The following STAU1 variants were observed in gnomAD, a reference collection of about 807,000 sequenced individuals.
The protein encoded by STAU1 is double-stranded RNA-binding protein Staufen homolog 1.
STAU1 carries 13 observed loss-of-function variants against 62.9 expected under a neutral mutation model. That is an observed-to-expected ratio of 0.21 (90% CI 0.13 to 0.33). The LOEUF is 0.33. Ranked by LOEUF, STAU1 falls within the 10% of genes least tolerant of loss-of-function variation. STAU1 has a pLI of 1.00. For missense variants in STAU1, 571 were observed against 712.1 expected (o/e 0.80, Z 2.25); for synonymous variants, 269 against 265.1 (o/e 1.01, Z -0.14).
At chr20:49,122,329 CTT>C (rs1600615296) in intron 8 of STAU1, among the ~76,000 whole-genome samples, 1 of 152,164 alleles carries the variant, frequency 6.6e-6, no homozygotes, top group Non-Finnish European at 1.5e-5. Flanking sequence ...GAACAGATCT[CTT>C]GATACTACTT....
intron 3 of STAU1, among the ~76,000 whole-genome samples, chr20:49,162,559 G>A (rs1291325301): frequency 1.3e-5 from 2 of 152,016 alleles, no homozygotes; most frequent in African/African-American, 2.4e-5. Flanking sequence ...CGGATCACGA[G>A]GTCAGAAGAT....
intron 5 of STAU1, 28 bp from the exon 6 acceptor site, chr20:49,135,959 C>T: frequency 1.3e-6 from 2 of 1,575,324 alleles, no homozygotes; most frequent in South Asian, 1.1e-5. Flanking sequence ...TAGTAGTTAG[C>T]TCTTATTAAA....
upstream of STAU1, among the ~76,000 whole-genome samples, chr20:49,192,557 A>G (rs2093832640): frequency 6.6e-6 from 1 of 152,192 alleles, no homozygotes; most frequent in African/African-American, 2.4e-5. Context: ...GGAAGGTTCC[A>G]TCCAGATCAT....
intron 2 of STAU1, among the ~76,000 whole-genome samples, chr20:49,167,964 T>C (rs929838870): frequency 2.0e-5 from 3 of 152,220 alleles, no homozygotes; most frequent in Non-Finnish European, 2.9e-5. Flanking sequence ...TGAGTGGCTC[T>C]TAGAGTTTAA....
chr20:49,130,183 C>T (rs2092721469), intron 6 of STAU1, among the ~76,000 whole-genome samples: 1 of 152,046 alleles, frequency 6.6e-6, no homozygotes, highest in African/African-American at 2.4e-5. Flanking sequence ...AATAATGACT[C>T]CAAGCTAAGT....
intron 1 of STAU1, 26 bp downstream of exon 1, chr20:49,188,090 G>C (rs1156352187): frequency 2.6e-5 from 4 of 151,120 alleles, no homozygotes; most frequent in African/African-American, 9.7e-5. Context: ...GGCCCCACCA[G>C]GCCCGGCCCG....
intron 6 of STAU1, among the ~76,000 whole-genome samples, chr20:49,132,165 T>C (rs544316835): frequency 2.7e-4 from 41 of 152,154 alleles, no homozygotes; most frequent in African/African-American, 9.9e-4. Flanking sequence ...AGAACTCCCA[T>C]AGGTGCCGCC....
chr20:49,157,645 A>G (rs2093382560), intron 3 of STAU1, among the ~76,000 whole-genome samples: 1 of 151,924 alleles, frequency 6.6e-6, no homozygotes, highest in African/African-American at 2.4e-5. Flanking sequence ...ACGCCCAGCT[A>G]ATTTTTGAAT....
intron 7 of STAU1, among the ~76,000 whole-genome samples, chr20:49,124,040 A>G (rs2092532398): frequency 6.6e-6 from 1 of 152,166 alleles, no homozygotes; most frequent in Non-Finnish European, 1.5e-5. Context: ...GAACAGCAAC[A>G]TGGTCACTGA....
At chr20:49,148,204 A>C (rs1402667046) in intron 5 of STAU1, among the ~76,000 whole-genome samples, 1 of 152,198 alleles carries the variant, frequency 6.6e-6, no homozygotes, top group Non-Finnish European at 1.5e-5. Flanking sequence ...CCAAAACCTA[A>C]AATGCTCCAA....
At chr20:49,194,669 C>T in the STAU1 span, among the ~76,000 whole-genome samples, 69 of 152,200 alleles carry the variant, frequency 4.5e-4, 1 homozygote, top group African/African-American at 1.7e-3. Flanking sequence ...CCTCCACCTC[C>T]TGGGTTCAAG....
the STAU1 span, among the ~76,000 whole-genome samples, chr20:49,203,758 C>T: frequency 6.6e-6 from 1 of 152,198 alleles, no homozygotes; most frequent in East Asian, 1.9e-4. Context: ...ACAATCTCGG[C>T]TTACTGCAAC....
intron 3 of STAU1, chr20:49,158,520 CCTT>C (rs1568899982): frequency 3.8e-6 from 5 of 1,303,252 alleles, no homozygotes; most frequent in Non-Finnish European, 5.1e-6. Context: ...AACAAAGAAT[CCTT>C]TATTGGCCAG....
At chr20:49,141,582 G>C (rs1183173116) in intron 5 of STAU1, among the ~76,000 whole-genome samples, 1 of 152,170 alleles carries the variant, frequency 6.6e-6, no homozygotes, top group Non-Finnish European at 1.5e-5. Flanking sequence ...GGGTGGCAGA[G>C]CAAGACTCCA....
At chr20:49,126,277 T>A (rs1600638563) in intron 6 of STAU1, among the ~76,000 whole-genome samples, 1 of 151,122 alleles carries the variant, frequency 6.6e-6, no homozygotes, top group East Asian at 1.9e-4. Context: ...AGATAGAAAA[T>A]CAGGCTGGGC....
chr20:49,118,107 C>T lies in STAU1; in HGVS notation c.1190-11G>A, dbSNP rs968104752. On this transcript the variant is annotated splice_polypyrimidine_tract_variant and intron_variant, in intron 10 of 13. Transcript: ENST00000371856. ...CATCCTCTTTATTACCTGGGAGGGA[C>T]ATACACGGTAAACACGAATCCACAT... is the stretch of plus-strand genomic sequence containing the variant. 6.2e-7 allele frequency: 1 copy of T among 1,611,228 alleles called. No homozygotes were observed.
intron 5 of STAU1, among the ~76,000 whole-genome samples, chr20:49,143,704 TTC>T (rs1239271459): frequency 6.6e-6 from 1 of 152,230 alleles, no homozygotes; most frequent in Non-Finnish European, 1.5e-5. Context: ...CAACAGACTC[TTC>T]TGTTTTTCTA....
At chr20:49,161,488 A>T (rs901152347) in intron 3 of STAU1, among the ~76,000 whole-genome samples, 4 of 152,204 alleles carry the variant, frequency 2.6e-5, no homozygotes, top group African/African-American at 7.2e-5. Context: ...TTACAGCACC[A>T]CTTTCAAGAG....
At chr20:49,172,121 A>C (rs1652274100) in intron 2 of STAU1, among the ~76,000 whole-genome samples, 1 of 152,184 alleles carries the variant, frequency 6.6e-6, no homozygotes, top group Non-Finnish European at 1.5e-5. Flanking sequence ...ACTTGGCCCA[A>C]TGCCATGGGC....
Sources: allele counts gnomAD v4.1 joint callset (sites outside exome capture counted in the v4.1 genomes callset), GRCh38; gene constraint gnomAD v4.1.1; transcripts MANE v1.5; gene names NCBI Gene and HGNC (gene_info 2026-07-23, HGNC 2026-07-21).